The following CASTOR2 variants were observed in gnomAD, a reference collection of about 807,000 sequenced individuals.
CASTOR2 encodes cytosolic arginine sensor for mTORC1 subunit 2, also known as GATS protein like 2.
A neutral mutation model predicts 31.2 loss-of-function variants in CASTOR2; 8 were observed. The observed-to-expected ratio is 0.26, with a 90% CI of 0.15 to 0.46. The LOEUF (loss-of-function observed/expected upper bound fraction) is 0.46. Among genes scored for constraint, CASTOR2 ranks in the 20% least tolerant of loss-of-function variants. The pLI, the probability that CASTOR2 is intolerant of heterozygous loss-of-function variation, is 0.99. For synonymous variants in CASTOR2, 162 were observed against 158.7 expected (o/e 1.02, Z -0.16); for missense variants, 216 against 382.1 (o/e 0.57, Z 3.62).
intron 1 of CASTOR2, among the ~76,000 whole-genome samples, chr7:74,995,679 G>A (rs1426038546): frequency 6.6e-6 from 1 of 151,914 alleles, no homozygotes; most frequent in African/African-American, 2.4e-5. Flanking sequence ...GTGGTGGCAG[G>A]CGCCTGTAGT....
intron 1 of CASTOR2, among the ~76,000 whole-genome samples, chr7:75,000,459 G>A (rs1697112476): frequency 6.6e-6 from 1 of 152,132 alleles, no homozygotes; most frequent in African/African-American, 2.4e-5. Context: ...CTTCCAGGCT[G>A]GTGCTGTAAT....
intron 2 of CASTOR2, 139 bp downstream of exon 2, chr7:75,008,203 G>T: frequency 8.7e-7 from 1 of 1,146,068 alleles, no homozygotes. Flanking sequence ...CTCATCTGCT[G>T]GTCAGCTGGA....
At chr7:75,004,812 C>A (rs1376021490) in intron 1 of CASTOR2, among the ~76,000 whole-genome samples, 1 of 151,966 alleles carries the variant, frequency 6.6e-6, no homozygotes. Context: ...CACAAATTCA[C>A]CCCTTTTTAG....
Position 75,018,052 on chromosome 7 carries a change from G to A in CASTOR2, c.441G>A (p.Arg147=). The A allele has an allele frequency of 6.2e-7, 1 of 1,614,202 alleles. No individual in the cohort carries two copies. Among genetic ancestry groups the A allele is most frequent in the South Asian group, 1.1e-5 (1 of 91,086 alleles). The change falls in exon 4 of 9, where the codon CGG becomes CGA. Residue 147 remains arginine (R), a synonymous_variant. Coordinates refer to ENST00000616305, the MANE Select transcript of CASTOR2 (RefSeq NM_001145064.3). ...TGTCATCAGAGTTCACCATCCTGCG[G>A]GTCGTCAATGGCGAGACCGTGGCAG... ...HTLSSEFTIL[R]VVNGETVAAE... is the part of the protein sequence containing the mutation.
At chr7:74,965,912 T>TCA (rs1160735846) in intron 1 of CASTOR2, among the ~76,000 whole-genome samples, 154 of 30,340 alleles carry the variant, frequency 5.1e-3, no homozygotes, top group African/African-American at 0.019. Context: ...TCTCTCTCTC[T>TCA]CACTTGGATT....
At chr7:75,023,628 T>C (rs1381955284) in intron 7 of CASTOR2, among the ~76,000 whole-genome samples, 1 of 151,838 alleles carries the variant, frequency 6.6e-6, no homozygotes, top group Non-Finnish European at 1.5e-5. Context: ...TTAGTAGAGA[T>C]GGGGTTTCAC....
intron 2 of CASTOR2, among the ~76,000 whole-genome samples, chr7:75,014,419 C>CAAAAAAAAA (rs1193842037): frequency 3.2e-3 from 183 of 56,684 alleles, no homozygotes; most frequent in African/African-American, 4.2e-3. Context: ...ACTAAAAATA[C>CAAAAAAAAA]AAAAAAAAAA....
At chr7:74,991,915 G>T (rs1328080066) in intron 1 of CASTOR2, among the ~76,000 whole-genome samples, 10 of 152,092 alleles carry the variant, frequency 6.6e-5, no homozygotes, top group Admixed American at 6.6e-4. Flanking sequence ...AAGGAGTGAG[G>T]TCATCACATT....
At position 74,989,455 on chromosome 7, in the gene CASTOR2, T is replaced by C. The variant is rs1264227677; in HGVS notation, c.114-18539T>C. ...TTTTGTTTTTGAGATGGAGTCTCGC[T>C]CTGTCACCCAGGCTGGAGTGCAGTG... is the stretch of plus-strand genomic sequence containing the variant. On this transcript the variant is annotated intron_variant, in intron 1 of 8. Coordinates refer to ENST00000616305, the MANE Select transcript of CASTOR2 (RefSeq NM_001145064.3). Among the ~76,000 whole-genome samples, 11 of 152,200 alleles carry C rather than the reference T, an allele frequency of 7.2e-5. No individual in the cohort carries two copies. The East Asian group carries it at 1.9e-3, about 27-fold the overall frequency.
At chr7:75,005,555 G>T (rs1354715286) in intron 1 of CASTOR2, among the ~76,000 whole-genome samples, 2 of 152,068 alleles carry the variant, frequency 1.3e-5, no homozygotes, top group Non-Finnish European at 2.9e-5. Flanking sequence ...GTCCATTGTT[G>T]TTTCCAATTT....
At chr7:74,987,238 C>T (rs1159444668) in intron 1 of CASTOR2, among the ~76,000 whole-genome samples, 2 of 152,020 alleles carry the variant, frequency 1.3e-5, no homozygotes, top group African/African-American at 2.4e-5. Flanking sequence ...AACCCCATCT[C>T]TACTAAAAAT....
At chr7:75,023,952 G>C (rs902755855) in intron 7 of CASTOR2, among the ~76,000 whole-genome samples, 1 of 152,284 alleles carries the variant, frequency 6.6e-6, no homozygotes, top group Non-Finnish European at 1.5e-5. Flanking sequence ...ACCAGAGAAG[G>C]CTCCTGGTTG....
intron 2 of CASTOR2, among the ~76,000 whole-genome samples, chr7:75,016,700 G>A (rs1804870855): frequency 6.6e-6 from 1 of 152,234 alleles, no homozygotes; most frequent in Non-Finnish European, 1.5e-5. Context: ...AAGAACTAAA[G>A]GACATTACCC....
intron 1 of CASTOR2, among the ~76,000 whole-genome samples, chr7:74,976,539 TC>T (rs1803813398): frequency 4.4e-5 from 1 of 22,978 alleles, no homozygotes; most frequent in African/African-American, 7.1e-5. Flanking sequence ...TGTCTCCTCC[TC>T]CTCCTCCTCC....
chr7:75,000,054 C>A (rs1278474535), intron 1 of CASTOR2, among the ~76,000 whole-genome samples: 2 of 152,046 alleles, frequency 1.3e-5, no homozygotes, highest in Non-Finnish European at 2.9e-5. Context: ...TAGCAAGACC[C>A]CGTCTCCACA....
Position 74,967,464 on chromosome 7 carries a change from T to C in CASTOR2, c.113+2366T>C, listed in dbSNP as rs2523309. Among the ~76,000 whole-genome samples the C allele has an allele frequency of 1.1e-3, 155 of 146,156 alleles. 8 individuals are homozygous for C. Among genetic ancestry groups the C allele is most frequent in the South Asian group, 1.8e-3 (8 of 4,442 alleles). On this transcript the variant is annotated intron_variant, in intron 1 of 8. Coordinates refer to ENST00000616305, the MANE Select transcript of CASTOR2 (RefSeq NM_001145064.3). ...AGGTGGTGACCCATAGCTCTGTCAC[T>C]TCCCTCTCCAAAACCTAAGTTTAGC...
intron 2 of CASTOR2, 94 bp downstream of exon 2, chr7:75,008,158 T>A: frequency 1.3e-6 from 2 of 1,486,126 alleles, no homozygotes; most frequent in Non-Finnish European, 1.9e-6. Context: ...GCCCACCTCC[T>A]TATTTCTGCC....
At chr7:74,984,911 C>A (rs1391219320) in intron 1 of CASTOR2, among the ~76,000 whole-genome samples, 1 of 152,220 alleles carries the variant, frequency 6.6e-6, no homozygotes, top group Non-Finnish European at 1.5e-5. Context: ...GCAGTCAGAT[C>A]ACCTGAGGTC....
intron 1 of CASTOR2, among the ~76,000 whole-genome samples, chr7:74,998,064 G>A (rs1373035107): frequency 3.9e-5 from 6 of 152,104 alleles, no homozygotes; most frequent in East Asian, 1.9e-4. Context: ...GTCATGGGGC[G>A]TATGCTACAA....
Sources: allele counts gnomAD v4.1 joint callset (sites outside exome capture counted in the v4.1 genomes callset), GRCh38; gene constraint gnomAD v4.1.1; transcripts MANE v1.5; gene names NCBI Gene and HGNC (gene_info 2026-07-23, HGNC 2026-07-21).